The following MGAT4C variants were observed in gnomAD, a reference collection of about 807,000 sequenced individuals.
The protein encoded by MGAT4C is alpha-1,3-mannosyl-glycoprotein 4-beta-N-acetylglucosaminyltransferase C.
In MGAT4C, 19 loss-of-function variants were observed where a neutral mutation model predicts 40.1. That is an observed-to-expected ratio of 0.47 (90% CI 0.33 to 0.70). MGAT4C has a LOEUF of 0.70. Ranked by LOEUF, MGAT4C falls within the 30% of genes least tolerant of loss-of-function variation. The pLI, the probability that MGAT4C is intolerant of heterozygous loss-of-function variation, is 0.02. For synonymous variants in MGAT4C, 181 were observed against 187.1 expected, an observed-to-expected ratio of 0.97 and a Z score of 0.27; for missense variants, 491 against 563.2, an observed-to-expected ratio of 0.87 and a Z score of 1.30.
intron 3 of MGAT4C, among the ~76,000 whole-genome samples, chr12:86,431,605 C>T (rs973112823): frequency 3.3e-5 from 5 of 152,086 alleles, no homozygotes; most frequent in African/African-American, 1.2e-4. Flanking sequence ...ATAGCTTAGC[C>T]TCACCTACCA....
At chr12:86,246,261 C>T (rs1952022948) in intron 1 of MGAT4C, among the ~76,000 whole-genome samples, 1 of 142,300 alleles carries the variant, frequency 7.0e-6, no homozygotes, top group Non-Finnish European at 1.5e-5. Flanking sequence ...TCTCCGCTCA[C>T]TGCAAGCTCC....
At chr12:86,558,572 G>A (rs1398078710) in intron 2 of MGAT4C, among the ~76,000 whole-genome samples, 2 of 151,966 alleles carry the variant, frequency 1.3e-5, no homozygotes, top group African/African-American at 2.4e-5. Flanking sequence ...AAATCAAGAA[G>A]AAATAAAATT....
chr12:86,649,075 G>T (rs997653772), intron 2 of MGAT4C, among the ~76,000 whole-genome samples: 1 of 151,710 alleles, frequency 6.6e-6, no homozygotes, highest in Admixed American at 6.6e-5. Flanking sequence ...TTGTTTCAAT[G>T]ATTATAGTAA....
At chr12:86,388,087 T>C (rs376773204) in intron 3 of MGAT4C, among the ~76,000 whole-genome samples, 6 of 152,180 alleles carry the variant, frequency 3.9e-5, no homozygotes, top group South Asian at 2.1e-4. Flanking sequence ...TCAAGCCATC[T>C]ATCTTAACTG....
rs1204862770 is a variant in MGAT4C at position 85,965,992 on chromosome 12, T to TA, written c.*13296dup. On this transcript the variant is annotated 3_prime_UTR_variant, in exon 5 of 5. Coordinates refer to ENST00000611864, the MANE Select transcript of MGAT4C (RefSeq NM_001351288.2). ...TAAATAGCTGCCAAATAAATGACAT[T>TA]AAAAAATGTATAAAAAGGTATGTTA... 3 of 152,078 alleles carry TA rather than the reference T, an allele frequency of 2.0e-5. No homozygotes were observed. Among genetic ancestry groups the TA allele is most frequent in the East Asian group, 3.8e-4 (2 of 5,198 alleles). The allele number at this position is 152,078 out of a possible 1,614,324, so 9.4% of individuals were successfully genotyped here. A position where few individuals can be genotyped will look rare whatever the true frequency, so the allele number is the denominator to read the frequency against.
intron 4 of MGAT4C, among the ~76,000 whole-genome samples, chr12:86,302,186 GA>G (rs1381354655): frequency 6.6e-6 from 1 of 150,830 alleles, no homozygotes; most frequent in Non-Finnish European, 1.5e-5. Context: ...TACGGCAATA[GA>G]AATAGATTAG....
Position 85,980,368 on chromosome 12 carries a change from T to G in MGAT4C, c.358A>C (p.Ile120Leu). Residue 120 changes from isoleucine to leucine, a missense_variant, in exon 5 of 5, where the codon ATT becomes CTT. By Grantham distance (5) the Ile-to-Leu change is conservative. Coordinates refer to ENST00000611864, the MANE Select transcript of MGAT4C (RefSeq NM_001351288.2). Reference protein sequence around the residue: ...RKKGNYLLETIKSIFEQSSYE... With the variant: ...RKKGNYLLETLKSIFEQSSYE... ...CTGGATTGCTCAAAAATTGACTTAA[T>G]TGTCTCAAGTAAATAGTTTCCTTTT... 1 of 1,613,126 alleles carries G rather than the reference T, an allele frequency of 6.2e-7. No individual in the cohort carries two copies. The highest frequency in any genetic ancestry group is 1.3e-5 in the African/African-American group (1 of 74,994).
At chr12:86,550,370 C>G (rs1959290029) in intron 2 of MGAT4C, among the ~76,000 whole-genome samples, 2 of 152,184 alleles carry the variant, frequency 1.3e-5, no homozygotes, top group Non-Finnish European at 2.9e-5. Flanking sequence ...ATCCCACAGT[C>G]CTTGAAAGCC....
intron 1 of MGAT4C, among the ~76,000 whole-genome samples, chr12:86,188,851 C>A (rs927638087): frequency 6.6e-6 from 1 of 151,802 alleles, no homozygotes; most frequent in East Asian, 1.9e-4. Flanking sequence ...ATTGAATAAC[C>A]TATGATAAGT....
intron 3 of MGAT4C, among the ~76,000 whole-genome samples, chr12:86,336,630 A>G (rs774916752): frequency 9.9e-5 from 15 of 152,198 alleles, no homozygotes; most frequent in Non-Finnish European, 2.1e-4. Flanking sequence ...CATCAAAGCC[A>G]GTCACTTCAT....
At chr12:86,229,845 GCA>G (rs1222342502) in intron 1 of MGAT4C, among the ~76,000 whole-genome samples, 3 of 151,978 alleles carry the variant, frequency 2.0e-5, no homozygotes, top group Non-Finnish European at 4.4e-5. Context: ...TTTCAGCAAA[GCA>G]CAGTGTTAAA....
rs1054405843 is a variant in MGAT4C at position 86,058,069 on chromosome 12, T to C, written c.-56-8346A>G. On this transcript the variant is annotated intron_variant, in intron 1 of 4. Coordinates refer to ENST00000611864, the MANE Select transcript of MGAT4C (RefSeq NM_001351288.2). ...GCTTAGATTTTTATAAAAGAGAGAGTAAATAAAATGTACATTTAATTAACA... is the reference window on the plus strand; with the variant it reads ...GCTTAGATTTTTATAAAAGAGAGAGCAAATAAAATGTACATTTAATTAACA... 2.0e-5 allele frequency among the ~76,000 whole-genome samples: 3 copies of C among 152,044 alleles called. No individual in the cohort carries two copies. The East Asian group carries it at 5.8e-4, about 29-fold the overall frequency.
intron 1 of MGAT4C, among the ~76,000 whole-genome samples, chr12:86,811,646 T>G (rs1952477010): frequency 6.6e-6 from 1 of 151,414 alleles, no homozygotes; most frequent in African/African-American, 2.4e-5. Context: ...CCAGCCAGTA[T>G]TCTATTATTA....
intron 2 of MGAT4C, chr12:86,028,327 G>T: frequency 2.5e-6 from 1 of 406,956 alleles, no homozygotes; most frequent in Non-Finnish European, 4.4e-6. Context: ...CATACGTTGA[G>T]CTCCTCATCA....
chr12:86,837,660 A>G (rs1445122185), intron 1 of MGAT4C, among the ~76,000 whole-genome samples: 1 of 152,108 alleles, frequency 6.6e-6, no homozygotes, highest in Non-Finnish European at 1.5e-5. Context: ...CAACAATATG[A>G]TAGATTTCAT....
At chr12:86,446,954 C>T (rs926912584) in intron 2 of MGAT4C, among the ~76,000 whole-genome samples, 1 of 151,692 alleles carries the variant, frequency 6.6e-6, no homozygotes, top group Non-Finnish European at 1.5e-5. Flanking sequence ...CTGGGCCATG[C>T]ATTACTAGTG....
At chr12:86,658,167 A>T (rs531916577) in intron 2 of MGAT4C, among the ~76,000 whole-genome samples, 190 of 152,184 alleles carry the variant, frequency 1.2e-3, no homozygotes, top group African/African-American at 4.4e-3. Flanking sequence ...ATGTACTGTT[A>T]GCATCAGGTG....
chr12:86,233,879 T>C (rs1460574762), intron 1 of MGAT4C, among the ~76,000 whole-genome samples: 1 of 152,146 alleles, frequency 6.6e-6, no homozygotes, highest in African/African-American at 2.4e-5. Flanking sequence ...GCTCTGTTTG[T>C]TTTATTCTAT....
chr12:86,791,328 A>T (rs542819097), intron 1 of MGAT4C, among the ~76,000 whole-genome samples: 4 of 152,300 alleles, frequency 2.6e-5, no homozygotes, highest in Admixed American at 2.0e-4. Context: ...GATATATCCA[A>T]ACACCATCTT....
Sources: gnomAD v4.1 joint callset for allele counts (sites outside exome capture counted in the v4.1 genomes callset) on GRCh38, gnomAD v4.1.1 for gene constraint, MANE v1.5 for transcripts, NCBI Gene and HGNC (gene_info 2026-07-23, HGNC 2026-07-21) for gene names.